The following IFI16 variants were observed in gnomAD, a reference collection of about 807,000 sequenced individuals.
IFI16 encodes the protein gamma-interferon-inducible protein 16.
A neutral mutation model predicts 68.4 loss-of-function variants in IFI16; 49 were observed. The observed-to-expected ratio is 0.72, with a 90% CI of 0.57 to 0.91. The LOEUF (loss-of-function observed/expected upper bound fraction) is 0.91, where lower values mean the gene tolerates loss of function less well. Ranked by LOEUF, IFI16 falls within the 40% of genes least tolerant of loss-of-function variation. IFI16 has a pLI of 0.00. For missense variants in IFI16, 878 were observed against 942.9 expected (o/e 0.93, Z 0.90); for synonymous variants, 307 against 315.0 (o/e 0.97, Z 0.27).
chr1:159,032,702 C>T lies in IFI16; in HGVS notation c.1329+11C>T. ...AGTTTCTTCACCAAGGTACAATTTC[C>T]TGGGTCCCATGCCTCATGTCTCCCC... On this transcript the variant is annotated intron_variant, in intron 7 of 11. Transcript: ENST00000295809. 1 of 1,578,356 alleles carries T rather than the reference C, an allele frequency of 6.3e-7. No individual in the cohort carries two copies. Among genetic ancestry groups the T allele is most frequent in the East Asian group, 2.3e-5 (1 of 44,028 alleles).
chr1:159,018,722 T>C (rs1653103938), intron 5 of IFI16, 71 bp downstream of exon 5: 2 of 1,093,220 alleles, frequency 1.8e-6, no homozygotes, highest in Non-Finnish European at 2.7e-6. Flanking sequence ...ATGTGTGAGA[T>C]GAAGCTTTGC....
chr1:159,024,884 C>T (rs568261446), intron 6 of IFI16, among the ~76,000 whole-genome samples: 6 of 152,050 alleles, frequency 3.9e-5, no homozygotes, highest in African/African-American at 9.7e-5. Flanking sequence ...ATAATTCTAA[C>T]GAAGAAGATG....
chr1:159,013,922 G>T (rs1232382167), intron 1 of IFI16, among the ~76,000 whole-genome samples: 1 of 152,192 alleles, frequency 6.6e-6, no homozygotes, highest in Non-Finnish European at 1.5e-5. Context: ...GATTTCAGTG[G>T]AATATAAATG....
At chr1:159,032,798 A>T in intron 7 of IFI16, 107 bp downstream of exon 7, 1 of 864,260 alleles carries the variant, frequency 1.2e-6, no homozygotes, top group Non-Finnish European at 1.7e-6. Flanking sequence ...GGATTGGTAC[A>T]ATCTTGGTAT....
At chr1:159,031,197 G>A (rs968040713) in intron 6 of IFI16, among the ~76,000 whole-genome samples, 1 of 152,102 alleles carries the variant, frequency 6.6e-6, no homozygotes, top group Non-Finnish European at 1.5e-5. Context: ...CACCAACAAC[G>A]CTGAGTTTAT....
At chr1:159,002,184 A>T (rs564360514), upstream of IFI16, among the ~76,000 whole-genome samples, 1 of 152,278 alleles carries the variant, frequency 6.6e-6, no homozygotes, top group South Asian at 2.1e-4. Context: ...AGTTACCTGG[A>T]ACCAAACAGC....
intron 6 of IFI16, among the ~76,000 whole-genome samples, chr1:159,026,289 T>C (rs1653661866): frequency 7.7e-6 from 1 of 129,592 alleles, no homozygotes; most frequent in South Asian, 2.6e-4. Flanking sequence ...TCATTTTCTT[T>C]ATTTCTTTCT....
At position 159,018,319 on chromosome 1, in the gene IFI16, A is replaced by C; in HGVS notation, c.640A>C (p.Lys214Gln). The C allele has an allele frequency of 6.2e-7, 1 of 1,614,042 alleles. No homozygotes were observed. Among genetic ancestry groups the C allele is most frequent in the Non-Finnish European group, 8.5e-7 (1 of 1,179,890 alleles). The change falls in exon 5 of 12, where the codon AAG becomes CAG. Residue 214 changes from lysine to glutamine, a missense_variant. By Grantham distance (53) the Lys-to-Gln change is moderately conservative (BLOSUM62 1). Coordinates refer to ENST00000295809, the MANE Select transcript of IFI16 (RefSeq NM_001376587.1). ...GATAGTGAAGGTACTGAGTACAACA[A>C]AGCCATTTGAATATGAGACCCCAGA... ...PVIVKVLSTTKPFEYETPEME... is the reference protein window; with the variant it reads ...PVIVKVLSTTQPFEYETPEME...
rs1301896884 is a variant in IFI16, at chr1:159,045,637, C to A, written c.1497+173C>A. 2.0e-5 allele frequency among the ~76,000 whole-genome samples: 3 copies of A among 151,320 alleles called. 1 individual carries two copies. The highest frequency in any genetic ancestry group is 4.4e-5 in the Non-Finnish European group (3 of 67,640). On this transcript the variant is annotated intron_variant, in intron 8 of 11. Transcript: ENST00000295809. Reference sequence around the variant, plus strand: ...TGAGGTCCTATCCAAAATTAAAATTCTATTTTTATCATCTCTATTCCATAG... The same window carrying A: ...TGAGGTCCTATCCAAAATTAAAATTATATTTTTATCATCTCTATTCCATAG...
chr1:159,050,751 GA>G (rs112846242), intron 9 of IFI16, among the ~76,000 whole-genome samples: 5,840 of 152,098 alleles, frequency 0.038, 125 homozygotes, highest in Non-Finnish European at 0.046. Context: ...GGAGGTTAAA[GA>G]AAAGTCCCCT....
At chr1:159,014,185 G>C (rs1652772396) in intron 1 of IFI16, among the ~76,000 whole-genome samples, 1 of 152,184 alleles carries the variant, frequency 6.6e-6, no homozygotes, top group African/African-American at 2.4e-5. Context: ...TAGGGTCAGT[G>C]CCACAGCATG....
At position 159,018,304 on chromosome 1, in the gene IFI16, G is replaced by T; in HGVS notation, c.625G>T (p.Val209Leu). 1 of 1,613,980 alleles carries T rather than the reference G, an allele frequency of 6.2e-7. No individual in the cohort carries two copies. ...VLQKRPVIVKVLSTTKPFEYE... is the reference protein window; with the variant it reads ...VLQKRPVIVKLLSTTKPFEYE... ...CCAAAAACGCCCAGTGATAGTGAAG[G>T]TACTGAGTACAACAAAGCCATTTGA... Residue 209 changes from valine (V) to leucine (L), a missense_variant, in exon 5 of 12, where the codon GTA becomes TTA. Coordinates refer to ENST00000295809, the MANE Select transcript of IFI16 (RefSeq NM_001376587.1).
intron 1 of IFI16, among the ~76,000 whole-genome samples, chr1:159,012,507 T>C (rs1334620031): frequency 6.6e-6 from 1 of 152,210 alleles, no homozygotes; most frequent in East Asian, 1.9e-4. Context: ...CATAGCCTAC[T>C]GTCATCCCAA....
At chr1:159,040,873 T>G (rs1188202920) in intron 7 of IFI16, among the ~76,000 whole-genome samples, 1 of 152,244 alleles carries the variant, frequency 6.6e-6, no homozygotes, top group Non-Finnish European at 1.5e-5. Context: ...GTTCATAGTT[T>G]TGGAATAATG....
intron 9 of IFI16, 133 bp from the exon 10 acceptor site, chr1:159,051,546 T>A: frequency 1.5e-6 from 1 of 657,058 alleles, no homozygotes; most frequent in East Asian, 2.6e-5. Flanking sequence ...GTGATCTTTG[T>A]CTAGTTTTCC....
intron 7 of IFI16, among the ~76,000 whole-genome samples, chr1:159,034,804 A>C (rs1654220867): frequency 6.6e-6 from 1 of 152,048 alleles, no homozygotes; most frequent in Non-Finnish European, 1.5e-5. Flanking sequence ...TGTGGGAGTA[A>C]TTTTCTCCTT....
intron 9 of IFI16, 85 bp from the exon 10 acceptor site, chr1:159,051,594 A>G: frequency 9.3e-7 from 1 of 1,071,696 alleles, no homozygotes; most frequent in Non-Finnish European, 1.4e-6. Context: ...GAGGACCAAC[A>G]CTGAGGCTGA....
intron 8 of IFI16, among the ~76,000 whole-genome samples, chr1:159,047,679 G>C (rs1655078354): frequency 6.7e-6 from 1 of 149,868 alleles, no homozygotes; most frequent in Non-Finnish European, 1.5e-5. Context: ...CAGGAGGCCT[G>C]CAAAAATGGT....
intron 6 of IFI16, among the ~76,000 whole-genome samples, chr1:159,024,343 A>G (rs1653519499): frequency 6.6e-6 from 1 of 152,146 alleles, no homozygotes; most frequent in South Asian, 2.1e-4. Context: ...ATTTATGTCA[A>G]TCCCCATGCC....
Sources: allele counts gnomAD v4.1 joint callset (sites outside exome capture counted in the v4.1 genomes callset), GRCh38; gene constraint gnomAD v4.1.1; transcripts MANE v1.5; gene names NCBI Gene and HGNC (gene_info 2026-07-23, HGNC 2026-07-21).